DLGAP2: variants seen among roughly 807,000 people sequenced by gnomAD.
The protein encoded by DLGAP2 is disks large-associated protein 2.
Under a neutral mutation model 100.3 loss-of-function variants are expected in DLGAP2, and 26 were observed. The observed-to-expected ratio is 0.26, with a 90% CI of 0.19 to 0.36. The LOEUF (loss-of-function observed/expected upper bound fraction) is 0.36. Ranked by LOEUF, DLGAP2 falls within the 10% of genes least tolerant of loss-of-function variation. The pLI is 1.00. For missense variants in DLGAP2, 1,858 were observed against 1,453.2 expected, an observed-to-expected ratio of 1.28 and a Z score of -4.53; for synonymous variants, 886 against 630.1, an observed-to-expected ratio of 1.41 and a Z score of -6.08.
intron 3 of DLGAP2, among the ~76,000 whole-genome samples, chr8:1,339,901 A>T (rs1563092947): frequency 6.6e-6 from 1 of 152,218 alleles, no homozygotes; most frequent in South Asian, 2.1e-4. Flanking sequence ...TTCAAAGACA[A>T]AATATGTGTA....
At chr8:1,207,700 C>T (rs192132559) in intron 2 of DLGAP2, among the ~76,000 whole-genome samples, 4 of 152,150 alleles carry the variant, frequency 2.6e-5, no homozygotes, top group Non-Finnish European at 5.9e-5. Flanking sequence ...TAGAAGTGTT[C>T]CCTGTTTACC....
intron 1 of DLGAP2, among the ~76,000 whole-genome samples, chr8:880,633 C>T (rs1242701672): frequency 4.1e-5 from 6 of 146,712 alleles, no homozygotes; most frequent in Admixed American, 1.4e-4. Flanking sequence ...CCCTTGCCTG[C>T]GACATGGCAT....
chr8:1,693,028 T>TATAC (rs1319046058), intron 13 of DLGAP2, among the ~76,000 whole-genome samples: 1 of 148,180 alleles, frequency 6.7e-6, no homozygotes, highest in Non-Finnish European at 1.5e-5. Context: ...TATGTTTATA[T>TATAC]ATACACCTAT....
intron 2 of DLGAP2, among the ~76,000 whole-genome samples, chr8:1,001,649 G>A (rs1436781466): frequency 1.3e-5 from 2 of 152,180 alleles, no homozygotes; most frequent in Non-Finnish European, 2.9e-5. Flanking sequence ...TTTAGCTATA[G>A]CATTCAAAGT....
At chr8:1,184,764 G>C (rs1433320037) in intron 2 of DLGAP2, among the ~76,000 whole-genome samples, 2 of 152,186 alleles carry the variant, frequency 1.3e-5, no homozygotes, top group African/African-American at 4.8e-5. Context: ...CAAGCATGCT[G>C]GTGACGATGA....
intron 2 of DLGAP2, among the ~76,000 whole-genome samples, chr8:1,226,295 A>G (rs1798414197): frequency 6.6e-6 from 1 of 152,180 alleles, no homozygotes; most frequent in African/African-American, 2.4e-5. Flanking sequence ...CAGCCATGAA[A>G]AGGAATGGGA....
chr8:1,365,279 G>A (rs1386832726), intron 3 of DLGAP2, among the ~76,000 whole-genome samples: 1 of 152,180 alleles, frequency 6.6e-6, no homozygotes, highest in Non-Finnish European at 1.5e-5. Flanking sequence ...CCGGGGATGT[G>A]TGGCTCAGGT....
chr8:1,628,104 T>C (rs139128492), intron 7 of DLGAP2, among the ~76,000 whole-genome samples: 5,839 of 92,892 alleles, frequency 0.063, 274 homozygotes, highest in Middle Eastern at 0.11. Context: ...AATTAAGAGC[T>C]TGAGCCGACC....
At chr8:836,204 G>T (rs1401584239) in intron 1 of DLGAP2, among the ~76,000 whole-genome samples, 1 of 152,130 alleles carries the variant, frequency 6.6e-6, no homozygotes, top group Non-Finnish European at 1.5e-5. Flanking sequence ...CCGGGGACTC[G>T]GCCGGAAAGC....
intron 2 of DLGAP2, among the ~76,000 whole-genome samples, chr8:1,101,186 G>A (rs1804566936): frequency 1.3e-5 from 2 of 152,230 alleles, no homozygotes; most frequent in African/African-American, 2.4e-5. Context: ...CTGTCTCTGA[G>A]TGTGCAGCCT....
At chr8:1,073,881 T>G (rs1322798022) in intron 2 of DLGAP2, among the ~76,000 whole-genome samples, 4 of 152,208 alleles carry the variant, frequency 2.6e-5, no homozygotes, top group Admixed American at 2.6e-4. Flanking sequence ...ACATTTACCT[T>G]CAGACTGAGA....
chr8:854,218 A>T (rs1011610349), intron 1 of DLGAP2, among the ~76,000 whole-genome samples: 1 of 152,182 alleles, frequency 6.6e-6, no homozygotes, highest in South Asian at 2.1e-4. Context: ...ACTTGGGCTC[A>T]CCACCATGAG....
chr8:1,087,786 T>C (rs146635115), intron 2 of DLGAP2, among the ~76,000 whole-genome samples: 80 of 152,324 alleles, frequency 5.3e-4, no homozygotes, highest in African/African-American at 1.9e-3. Context: ...ACAGAATCCA[T>C]TTTACTGTCT....
intron 6 of DLGAP2, among the ~76,000 whole-genome samples, chr8:1,585,220 T>G (rs887776194): frequency 6.6e-6 from 1 of 152,166 alleles, no homozygotes; most frequent in African/African-American, 2.4e-5. Flanking sequence ...CCCAGCACTT[T>G]GGGAGGCGGA....
chr8:1,435,665 A>T (rs1797598847), intron 3 of DLGAP2, among the ~76,000 whole-genome samples: 1 of 151,624 alleles, frequency 6.6e-6, no homozygotes. Flanking sequence ...ATTATCTGTA[A>T]AGAGCCCTGG....
chr8:1,287,789 A>ATG (rs1340707673), intron 3 of DLGAP2, among the ~76,000 whole-genome samples: 3 of 35,792 alleles, frequency 8.4e-5, no homozygotes, highest in African/African-American at 1.3e-4. Context: ...GTCTGTGTGT[A>ATG]TGTGTGTGTG....
chr8:1,300,137 TATCGATTTGTCAGGGAAACAAA>T (rs1472688256), intron 3 of DLGAP2: 1 of 152,228 alleles, frequency 6.6e-6, no homozygotes, highest in Admixed American at 6.5e-5. Flanking sequence ...GGGTTCAGCA[TATCGATTTGTCAGGGAAACAAA>T]ATTCAGCCCC....
chr8:1,100,205 T>G lies in DLGAP2; in HGVS notation c.74-158646T>G, dbSNP rs541129574. Among the ~76,000 whole-genome samples the G allele has an allele frequency of 2.4e-3, 354 of 147,954 alleles. 2 individuals carry two copies. The highest frequency in any genetic ancestry group is 3.4e-3 in the Middle Eastern group (1 of 290). On this transcript the variant is annotated intron_variant, in intron 2 of 14. Coordinates refer to ENST00000637795, the MANE Select transcript of DLGAP2 (RefSeq NM_001346810.2). ...ACCTTTGTCCAGCATGTCCACAGTG[T>G]ACAGCGTGTGTAGGGAAAACCTTTG...
intron 3 of DLGAP2, among the ~76,000 whole-genome samples, chr8:1,417,960 A>T (rs1276460385): frequency 1.4e-5 from 2 of 141,602 alleles, no homozygotes; most frequent in Non-Finnish European, 2.9e-5. Context: ...GTCTGTCGTG[A>T]AAAAAAAAGA....
Sources: gnomAD v4.1 joint callset for allele counts (sites outside exome capture counted in the v4.1 genomes callset) on GRCh38, gnomAD v4.1.1 for gene constraint, MANE v1.5 for transcripts, NCBI Gene and HGNC (gene_info 2026-07-23, HGNC 2026-07-21) for gene names.